GNAS: variants seen among roughly 807,000 people sequenced by gnomAD.
GNAS encodes protein ALEX.
A neutral mutation model predicts 54.5 loss-of-function variants in GNAS; 8 were observed. That is an observed-to-expected ratio of 0.15 (90% CI 0.09 to 0.26). The LOEUF is 0.26. Ranked by LOEUF, GNAS falls within the 10% of genes least tolerant of loss-of-function variation. The pLI is 1.00. For missense variants in GNAS, 170 were observed against 529.8 expected (o/e 0.32, Z 6.67); for synonymous variants, 204 against 191.4 (o/e 1.07, Z -0.54).
rs1054352222 is a variant in GNAS, at chr20:58,857,853, TG to T, written c.43+16971del. On this transcript the variant is annotated intron_variant, in intron 1 of 12. Coordinates refer to the GNAS transcript ENST00000306090. The surrounding 1 kb of genome is among the most constrained non-coding windows in gnomAD (Gnocchi z 4.1). ...TTAACTTTAAGAAAAGGAAATTTGC[TG>T]GGGTCACCTTGTACCTTGTCCTGGC... 5.9e-5 allele frequency among the ~76,000 whole-genome samples: 9 copies of T among 152,210 alleles called. No individual in the cohort carries two copies. Among genetic ancestry groups the T allele is most frequent in the African/African-American group, 2.2e-4 (9 of 41,464 alleles).
upstream of GNAS, chr20:58,889,116 C>T: frequency 8.6e-7 from 1 of 1,168,344 alleles, no homozygotes; most frequent in Non-Finnish European, 1.1e-6. Context: ...ATGGGTCGGT[C>T]CTCTGAAGAG....
chr20:58,899,768 T>C (rs1262616010), intron 3 of GNAS, among the ~76,000 whole-genome samples: 3 of 152,056 alleles, frequency 2.0e-5, no homozygotes, highest in Admixed American at 6.5e-5. Flanking sequence ...CCACTCTAGC[T>C]CTGCTGTGTA....
chr20:58,877,147 G>GA (rs993427500), intron 1 of GNAS, among the ~76,000 whole-genome samples: 2 of 117,622 alleles, frequency 1.7e-5, no homozygotes, highest in Non-Finnish European at 3.8e-5. Context: ...GAAAGAACAA[G>GA]ATTTTTTTTT....
chr20:58,892,165 CTT>C (rs537340120), intron 1 of GNAS: 35 of 967,164 alleles, frequency 3.6e-5, no homozygotes, highest in Non-Finnish European at 4.3e-5. Context: ...CTCTTTCTCT[CTT>C]TCTCTCTTTT....
rs2089348613 is a variant in GNAS at position 58,891,657 on chromosome 20, G to GGCCCGAGTGAGGCC, written c.-65_-64insAGTGAGGCCGCCCG. The GGCCCGAGTGAGGCC allele has an allele frequency of 1.0e-6, 1 of 967,270 alleles. No homozygotes were observed. Among genetic ancestry groups the GGCCCGAGTGAGGCC allele is most frequent in the Non-Finnish European group, 1.2e-6 (1 of 822,288 alleles). The allele number at this position is 967,270 out of a possible 1,614,324, so 59.9% of individuals were successfully genotyped here. On this transcript the variant is annotated 5_prime_UTR_variant, in exon 1 of 13. Coordinates refer to ENST00000371085, the MANE Select transcript of GNAS (RefSeq NM_000516.7). ...CGCCCGGCGCTGCCCCGGCCCTCCC[G>GGCCCGAGTGAGGCC]GCCCGCGTGAGGCCGCCCGCGCCCG...
intron 1 of GNAS, among the ~76,000 whole-genome samples, chr20:58,874,332 C>T (rs886565254): frequency 1.3e-5 from 2 of 152,220 alleles, no homozygotes; most frequent in Non-Finnish European, 2.9e-5. Flanking sequence ...TCATTGTGCA[C>T]TCTCTGGAGC....
In GNAS at chr20:58,891,655, C is replaced by CCGGCCCGCGTGAGG; in HGVS notation, c.-70_-57dup. 1.0e-6 allele frequency: 1 copy of CCGGCCCGCGTGAGG among 973,286 alleles called. No individual in the cohort carries two copies. The highest frequency in any genetic ancestry group is 1.2e-6 in the Non-Finnish European group (1 of 824,146). 60.3% of individuals were successfully genotyped at this position (973,286 alleles called of 1,614,324 possible). On this transcript the variant is annotated 5_prime_UTR_variant, in exon 1 of 13. Transcript: ENST00000371085. ...CCCGCCCGGCGCTGCCCCGGCCCTC[C>CCGGCCCGCGTGAGG]CGGCCCGCGTGAGGCCGCCCGCGCC... is the stretch of plus-strand genomic sequence containing the variant.
chr20:58,885,987 C>A (rs1277398120), intron 1 of GNAS, among the ~76,000 whole-genome samples: 1 of 152,148 alleles, frequency 6.6e-6, no homozygotes, highest in African/African-American at 2.4e-5. Flanking sequence ...AAAATGACCC[C>A]AACTAATGAA....
chr20:58,861,349 G>A (rs970426535), intron 1 of GNAS, among the ~76,000 whole-genome samples: 5 of 152,158 alleles, frequency 3.3e-5, no homozygotes, highest in Non-Finnish European at 5.9e-5. Context: ...ACAAGTCAAC[G>A]GAGGGAACTA....
At chr20:58,872,535 C>CT (rs947439290) in intron 1 of GNAS, among the ~76,000 whole-genome samples, 2 of 152,080 alleles carry the variant, frequency 1.3e-5, no homozygotes, top group African/African-American at 2.4e-5. Flanking sequence ...GCATTGTTTT[C>CT]TTTTTTTCTT....
chr20:58,884,015 G>A (rs371299334), intron 1 of GNAS, among the ~76,000 whole-genome samples: 20 of 152,322 alleles, frequency 1.3e-4, no homozygotes, highest in Middle Eastern at 3.4e-3. Context: ...ATTATGTCAC[G>A]TTAATTGCTT....
rs984610340 is a variant in GNAS at position 58,900,856 on chromosome 20, G to A, written c.257+1871G>A. ...TTTTATGTTTTAGTATTACACACCC[G>A]AATTAGATTTTAGATTTCTATTTTA... On this transcript the variant is annotated intron_variant, in intron 3 of 12. Coordinates refer to ENST00000371085, the MANE Select transcript of GNAS (RefSeq NM_000516.7). 4.6e-5 allele frequency among the ~76,000 whole-genome samples: 7 copies of A among 152,234 alleles called. 1 individual carries two copies. The South Asian group carries it at 8.3e-4, about 18-fold the overall frequency.
chr20:58,842,211 C>T (rs1209361702), intron 1 of GNAS: 1 of 398,464 alleles, frequency 2.5e-6, no homozygotes, highest in Non-Finnish European at 4.4e-6. Context: ...GCTCTCCTCG[C>T]CAGTCCTGGG....
At chr20:58,851,881 G>T (rs2086189686) in intron 1 of GNAS, among the ~76,000 whole-genome samples, 1 of 152,206 alleles carries the variant, frequency 6.6e-6, no homozygotes, top group Non-Finnish European at 1.5e-5. Context: ...CGCTGCGGCC[G>T]GTGCCCGAAG....
upstream of GNAS, among the ~76,000 whole-genome samples, chr20:58,888,114 CCTT>C (rs1365634335): frequency 1.3e-5 from 2 of 152,178 alleles, no homozygotes; most frequent in Non-Finnish European, 2.9e-5. Context: ...TCTTTTTTCT[CCTT>C]CTCCATCAAA....
At chr20:58,858,697 A>T (rs2086622690) in intron 1 of GNAS, among the ~76,000 whole-genome samples, 1 of 152,226 alleles carries the variant, frequency 6.6e-6, no homozygotes. Flanking sequence ...TATACAGTGA[A>T]TCACAATTAA....
At position 58,840,898 on chromosome 20, in the gene GNAS, A is replaced by T. The variant is rs1280589200; in HGVS notation, c.43+12A>T. ...TTTCATGGATTCAGGTTAGTTGCCCACCGCTAAACTGGGGAGCCTGAGGGC... is the reference window on the plus strand; with the variant it reads ...TTTCATGGATTCAGGTTAGTTGCCCTCCGCTAAACTGGGGAGCCTGAGGGC... On this transcript the variant is annotated intron_variant, in intron 1 of 12. Coordinates refer to the GNAS transcript ENST00000306090. The surrounding 1 kb of genome is among the most constrained non-coding windows in gnomAD (Gnocchi z 6.0). The T allele has an allele frequency of 1.2e-6, 2 of 1,612,044 alleles. No individual in the cohort carries two copies. The highest frequency in any genetic ancestry group is 1.1e-5 in the South Asian group (1 of 90,950).
intron 6 of GNAS, among the ~76,000 whole-genome samples, chr20:58,908,217 T>C (rs2091211334): frequency 6.6e-6 from 1 of 152,134 alleles, no homozygotes; most frequent in Admixed American, 6.6e-5. Context: ...TACATGCCCC[T>C]CCCTCCAAAA....
At chr20:58,845,084 A>T (rs2085896656) in intron 1 of GNAS, among the ~76,000 whole-genome samples, 1 of 152,130 alleles carries the variant, frequency 6.6e-6, no homozygotes. Flanking sequence ...GGTGTCTAAG[A>T]ACAAGCTTTT....
Sources: allele counts gnomAD v4.1 joint callset (sites outside exome capture counted in the v4.1 genomes callset), GRCh38; gene constraint gnomAD v4.1.1; non-coding constraint Gnocchi (gnomAD v3.1); transcripts MANE v1.5; gene names NCBI Gene and HGNC (gene_info 2026-07-23, HGNC 2026-07-21).